Variants in CALN1 observed in about 807,000 individuals in gnomAD.
The protein encoded by CALN1 is calneuron 1.
Under a neutral mutation model 30.6 loss-of-function variants are expected in CALN1, and 17 were observed. The ratio of observed to expected loss-of-function variants is 0.56; its 90% CI spans 0.38 to 0.83. The LOEUF (loss-of-function observed/expected upper bound fraction) is 0.83. Ranked by LOEUF, CALN1 falls within the 40% of genes least tolerant of loss-of-function variation. The probability of loss-of-function intolerance (pLI) is 0.00; values close to 1 mark genes in which losing one functional copy is unlikely to be tolerated. For missense variants in CALN1, 291 were observed against 354.9 expected, an observed-to-expected ratio of 0.82 and a Z score of 1.45; for synonymous variants, 156 against 131.4, an observed-to-expected ratio of 1.19 and a Z score of -1.28.
At chr7:71,841,681 T>C (rs953066138) in intron 5 of CALN1, among the ~76,000 whole-genome samples, 3 of 151,822 alleles carry the variant, frequency 2.0e-5, no homozygotes, top group African/African-American at 7.3e-5. Context: ...ATAGAAAGAG[T>C]GCAGTCATGG....
At chr7:72,068,570 C>T (rs1804181828) in intron 4 of CALN1, among the ~76,000 whole-genome samples, 1 of 152,186 alleles carries the variant, frequency 6.6e-6, no homozygotes, top group Non-Finnish European at 1.5e-5. Flanking sequence ...TCACTGCAAC[C>T]TCCACTTCAT....
chr7:72,129,342 C>G (rs1436866841), intron 3 of CALN1, among the ~76,000 whole-genome samples: 1 of 152,106 alleles, frequency 6.6e-6, no homozygotes, highest in Non-Finnish European at 1.5e-5. Context: ...TAAATGCATA[C>G]TTTAACTCAA....
rs141916979 is a variant in CALN1 at position 72,239,388 on chromosome 7, C to G, written c.244+39298G>C. Among the ~76,000 whole-genome samples, 212 of 152,096 alleles carry G rather than the reference C, an allele frequency of 1.4e-3. 1 individual carries two copies. Among genetic ancestry groups the G allele is most frequent in the African/African-American group, 4.9e-3 (202 of 41,446 alleles). ...TCCAGCCTGGACAACAGAACAAGAC[C>G]TTGTCCCTAAAAATAAATAAATAAA... is the stretch of plus-strand genomic sequence containing the variant. On this transcript the variant is annotated intron_variant, in intron 3 of 6. Coordinates refer to ENST00000395275, the MANE Select transcript of CALN1 (RefSeq NM_031468.4).
chr7:71,931,822 T>A (rs977626407), intron 5 of CALN1, among the ~76,000 whole-genome samples: 4 of 152,066 alleles, frequency 2.6e-5, no homozygotes, highest in African/African-American at 9.7e-5. Context: ...ATTCTTCTGA[T>A]TTGTCTTCCC....
At chr7:72,497,355 G>A in the CALN1 span, among the ~76,000 whole-genome samples, 3 of 152,092 alleles carry the variant, frequency 2.0e-5, no homozygotes, top group South Asian at 2.1e-4. Context: ...CAGGAGAATC[G>A]CTTGAACCTG....
At chr7:72,454,029 A>G in the CALN1 span, among the ~76,000 whole-genome samples, 536 of 151,464 alleles carry the variant, frequency 3.5e-3, 3 homozygotes, top group Non-Finnish European at 6.2e-3. Context: ...GGCAACTAAA[A>G]AACTTTGCTT....
chr7:72,020,715 A>G (rs1410800588), intron 5 of CALN1, among the ~76,000 whole-genome samples: 1 of 152,174 alleles, frequency 6.6e-6, no homozygotes, highest in Admixed American at 6.5e-5. Context: ...ATCTTGAGTA[A>G]GACAAAAACA....
intron 2 of CALN1, among the ~76,000 whole-genome samples, chr7:72,313,682 G>A (rs988445190): frequency 2.0e-5 from 3 of 150,036 alleles, no homozygotes; most frequent in Admixed American, 6.8e-5. Context: ...CAGGCATGAG[G>A]CACCGTGCCC....
intron 3 of CALN1, among the ~76,000 whole-genome samples, chr7:72,187,438 A>G (rs574577630): frequency 6.6e-6 from 1 of 152,280 alleles, no homozygotes; most frequent in South Asian, 2.1e-4. Flanking sequence ...AGGTGAGGGA[A>G]CATTACCTCC....
At chr7:72,000,478 T>C (rs529344320) in intron 5 of CALN1, among the ~76,000 whole-genome samples, 1 of 152,014 alleles carries the variant, frequency 6.6e-6, no homozygotes, top group African/African-American at 2.4e-5. Context: ...ACAGATGAAA[T>C]AGATAATCTG....
rs146512629 is a variant in CALN1, at chr7:72,060,478, G to A, written c.389-36709C>T. Among the ~76,000 whole-genome samples the A allele has an allele frequency of 4.9e-3, 741 of 152,224 alleles. 4 individuals carry two copies. The highest frequency in any genetic ancestry group is 7.8e-3 in the Non-Finnish European group (532 of 68,004). Reference sequence around the variant, plus strand: ...GTGAAGAGGTTGGCAAAGCTACCCCGCCATTTTGTGTATGAAATCCTGGGC... The same window carrying A: ...GTGAAGAGGTTGGCAAAGCTACCCCACCATTTTGTGTATGAAATCCTGGGC... On this transcript the variant is annotated intron_variant, in intron 4 of 6. Coordinates refer to ENST00000395275, the MANE Select transcript of CALN1 (RefSeq NM_031468.4).
intron 2 of CALN1, among the ~76,000 whole-genome samples, chr7:72,387,087 A>T (rs1180996877): frequency 6.6e-6 from 1 of 150,928 alleles, no homozygotes; most frequent in Non-Finnish European, 1.5e-5. Context: ...AGGGTGCAAC[A>T]CTTTGAGCAA....
At chr7:72,308,013 T>G (rs974344270) in intron 2 of CALN1, among the ~76,000 whole-genome samples, 2 of 152,150 alleles carry the variant, frequency 1.3e-5, no homozygotes, top group Non-Finnish European at 2.9e-5. Flanking sequence ...AGAAATCTGC[T>G]ACAAGAAATC....
At chr7:72,039,243 G>A (rs1265885416) in intron 4 of CALN1, among the ~76,000 whole-genome samples, 1 of 152,200 alleles carries the variant, frequency 6.6e-6, no homozygotes, top group Non-Finnish European at 1.5e-5. Flanking sequence ...GCAAAGGAAG[G>A]AAAGGACCAA....
intron 3 of CALN1, among the ~76,000 whole-genome samples, chr7:72,117,238 A>G (rs1349646184): frequency 6.6e-6 from 1 of 152,138 alleles, no homozygotes; most frequent in African/African-American, 2.4e-5. Context: ...GATTGCTTGA[A>G]CCCAAGAGTT....
chr7:72,377,631 G>GC, intron 2 of CALN1, among the ~76,000 whole-genome samples: 1 of 152,198 alleles, frequency 6.6e-6, no homozygotes. Context: ...AACTAATTTT[G>GC]TAAAGTCTGT....
chr7:72,276,926 T>C (rs1173076154), intron 3 of CALN1, among the ~76,000 whole-genome samples: 1 of 152,206 alleles, frequency 6.6e-6, no homozygotes, highest in East Asian at 1.9e-4. Context: ...CTCTCCACCA[T>C]ATGAGGACAC....
At chr7:72,156,774 G>C (rs1334557890) in intron 3 of CALN1, among the ~76,000 whole-genome samples, 2 of 152,176 alleles carry the variant, frequency 1.3e-5, no homozygotes, top group Non-Finnish European at 2.9e-5. Context: ...AGTGCTCTGG[G>C]GGACAGAGAC....
intron 1 of CALN1, among the ~76,000 whole-genome samples, chr7:72,442,729 T>C (rs893515441): frequency 6.6e-6 from 1 of 152,068 alleles, no homozygotes; most frequent in African/African-American, 2.4e-5. Context: ...TTATTAAGGG[T>C]TGCAATTATT....
Sources: allele counts gnomAD v4.1 joint callset (sites outside exome capture counted in the v4.1 genomes callset), GRCh38; gene constraint gnomAD v4.1.1; transcripts MANE v1.5; gene names NCBI Gene and HGNC (gene_info 2026-07-23, HGNC 2026-07-21).